ARMC2: variants seen among roughly 807,000 people sequenced by gnomAD.
ARMC2 encodes the protein armadillo repeat-containing protein 2.
A neutral mutation model predicts 90.3 loss-of-function variants in ARMC2; 67 were observed. The observed-to-expected ratio is 0.74, with a 90% CI of 0.61 to 0.91. The LOEUF (loss-of-function observed/expected upper bound fraction) is 0.91, where lower values mean the gene tolerates loss of function less well. Among genes scored for constraint, ARMC2 ranks in the 40% least tolerant of loss-of-function variants. The pLI is 0.00. For synonymous variants in ARMC2, 393 were observed against 393.0 expected, an observed-to-expected ratio of 1.00 and a Z score of 0.00; for missense variants, 920 against 1,030.9, an observed-to-expected ratio of 0.89 and a Z score of 1.47.
the ARMC2 span, chr6:109,009,343 C>G: frequency 6.8e-7 from 1 of 1,468,696 alleles, no homozygotes; most frequent in Non-Finnish European, 9.0e-7. Context: ...GCCCGCTCAG[C>G]CCCTCGCCCA....
At chr6:109,025,198 CTG>C in the ARMC2 span, among the ~76,000 whole-genome samples, 3 of 151,920 alleles carry the variant, frequency 2.0e-5, no homozygotes, top group Middle Eastern at 3.2e-3. Flanking sequence ...GAAGATTTGC[CTG>C]TTTTAAGGTT....
At chr6:109,005,516 T>A in the ARMC2 span, among the ~76,000 whole-genome samples, 1 of 152,220 alleles carries the variant, frequency 6.6e-6, no homozygotes, top group Non-Finnish European at 1.5e-5. Context: ...TGGTTTTATT[T>A]CTCTACCAAA....
chr6:108,854,476 C>A lies in ARMC2; in HGVS notation c.209C>A (p.Ser70Tyr). The A allele has an allele frequency of 6.2e-7, 1 of 1,613,364 alleles. No individual in the cohort carries two copies. The highest frequency in any genetic ancestry group is 1.7e-5 in the Admixed American group (1 of 59,996). The change falls in exon 2 of 18, where the codon TCC (serine) becomes TAC (tyrosine). Residue 70 changes from serine (S) to tyrosine (Y), a missense_variant. Physicochemically the swap from Ser to Tyr is moderately radical, Grantham distance 144. Coordinates refer to ENST00000392644, the MANE Select transcript of ARMC2 (RefSeq NM_032131.6). The stretch of plus-strand genomic sequence containing the variant: ...AGAACATCAGAAAATAGACCTCCTT[C>A]CTCCTTCAGGTATATGGCATTTCAC... ...SSRTSENRPP[S>Y]SFSLHASSFE... is the part of the protein sequence containing the mutation.
intron 1 of ARMC2, among the ~76,000 whole-genome samples, chr6:108,853,241 T>G (rs893780581): frequency 1.3e-5 from 2 of 152,130 alleles, no homozygotes; most frequent in South Asian, 4.1e-4. Flanking sequence ...AGGAAACAAA[T>G]GTTCTTATTG....
At chr6:108,948,114 T>G (rs1055037082) in intron 12 of ARMC2, among the ~76,000 whole-genome samples, 18 of 152,224 alleles carry the variant, frequency 1.2e-4, no homozygotes, top group African/African-American at 4.3e-4. Context: ...TTATAGAATA[T>G]TAAGTAATAT....
At chr6:108,937,122 A>ACATT in intron 12 of ARMC2, 123 bp downstream of exon 12, 13 of 832,244 alleles carry the variant, frequency 1.6e-5, no homozygotes, top group Non-Finnish European at 2.2e-5. Context: ...CATTAAATGT[A>ACATT]TAATGGGCTG....
the ARMC2 span, among the ~76,000 whole-genome samples, chr6:109,036,104 G>C: frequency 6.6e-6 from 1 of 151,978 alleles, no homozygotes; most frequent in Admixed American, 6.6e-5. Flanking sequence ...CCTCTTATTA[G>C]GACCTTTTCC....
chr6:109,040,885 C>T, the ARMC2 span, among the ~76,000 whole-genome samples: 1 of 151,992 alleles, frequency 6.6e-6, no homozygotes, highest in Non-Finnish European at 1.5e-5. Flanking sequence ...ATCTCCTGAC[C>T]TCGTGATCTG....
intron 12 of ARMC2, among the ~76,000 whole-genome samples, chr6:108,944,883 C>T (rs1776694821): frequency 6.6e-6 from 1 of 152,006 alleles, no homozygotes; most frequent in African/African-American, 2.4e-5. Context: ...ATGACTTCCG[C>T]AGGGAGAGCA....
the ARMC2 span, among the ~76,000 whole-genome samples, chr6:109,031,946 A>T: frequency 1.3e-5 from 2 of 152,214 alleles, no homozygotes; most frequent in Non-Finnish European, 2.9e-5. Context: ...CTTGTTTCAT[A>T]TACACCTTAT....
chr6:108,922,513 A>G (rs1487394866), intron 10 of ARMC2, among the ~76,000 whole-genome samples: 2 of 152,206 alleles, frequency 1.3e-5, no homozygotes, highest in Non-Finnish European at 2.9e-5. Flanking sequence ...ACAATTTGAA[A>G]TTGATAATTA....
intron 1 of ARMC2, among the ~76,000 whole-genome samples, chr6:108,850,568 C>T (rs1773901688): frequency 6.6e-6 from 1 of 152,114 alleles, no homozygotes; most frequent in South Asian, 2.1e-4. Context: ...GAAATAAAGG[C>T]AAGACAGGGA....
At chr6:108,994,576 T>C in the ARMC2 span, 1 of 1,613,328 alleles carries the variant, frequency 6.2e-7, no homozygotes. Context: ...ATCTTTTCCA[T>C]GAGGGCTTCA....
rs149626848 is a variant in ARMC2 at position 108,863,045 on chromosome 6, G to A, written c.291+4774G>A. ...GCTTCTGAGAAGAGGAAGAGCTGAC[G>A]CTTGTGGTTCCTGATTGCTCAGGCC... is the stretch of plus-strand genomic sequence containing the variant. On this transcript the variant is annotated intron_variant, in intron 3 of 17. Transcript: ENST00000392644. Among the ~76,000 whole-genome samples the A allele has an allele frequency of 4.2e-3, 635 of 152,316 alleles. 2 individuals are homozygous for A. The highest frequency in any genetic ancestry group is 0.014 in the African/African-American group (582 of 41,570).
the ARMC2 span, among the ~76,000 whole-genome samples, chr6:108,980,251 G>C: frequency 6.6e-6 from 1 of 152,130 alleles, no homozygotes; most frequent in African/African-American, 2.4e-5. Flanking sequence ...AGGCCCCTCT[G>C]CTGCAGTTCT....
chr6:108,880,798 CTT>C (rs1482244171), intron 5 of ARMC2, among the ~76,000 whole-genome samples: 12 of 148,234 alleles, frequency 8.1e-5, no homozygotes, highest in Middle Eastern at 3.6e-3. Context: ...CTTCCTCTCT[CTT>C]TCTTTCTTCC....
downstream of ARMC2, among the ~76,000 whole-genome samples, chr6:108,978,332 G>A (rs188202836): frequency 3.5e-4 from 54 of 152,254 alleles, no homozygotes; most frequent in African/African-American, 1.1e-3. Flanking sequence ...TTAGTCCTGA[G>A]TTCTAATTTG....
intron 10 of ARMC2, among the ~76,000 whole-genome samples, chr6:108,913,069 A>G (rs2128473176): frequency 6.6e-6 from 1 of 152,268 alleles, no homozygotes; most frequent in Non-Finnish European, 1.5e-5. Context: ...TGGAATATAA[A>G]CAGAGCAGGT....
chr6:109,002,423 C>T, the ARMC2 span: 3 of 1,116,390 alleles, frequency 2.7e-6, no homozygotes, highest in Non-Finnish European at 4.1e-6. Flanking sequence ...GAGGGAAAAA[C>T]AACCAGTCGA....
Sources: gnomAD v4.1 joint callset for allele counts (sites outside exome capture counted in the v4.1 genomes callset) on GRCh38, gnomAD v4.1.1 for gene constraint, MANE v1.5 for transcripts, NCBI Gene and HGNC (gene_info 2026-07-23, HGNC 2026-07-21) for gene names.